Variants in AGAP1 observed in about 807,000 individuals in gnomAD.
The protein encoded by AGAP1 is arf-GAP with GTPase, ANK repeat and PH domain-containing protein 1.
In AGAP1, 29 loss-of-function variants were observed where a neutral mutation model predicts 105.3. That is an observed-to-expected ratio of 0.28 (90% CI 0.21 to 0.38). The LOEUF is 0.38. Among genes scored for constraint, AGAP1 ranks in the 10% least tolerant of loss-of-function variants. The pLI is 1.00. For synonymous variants in AGAP1, 509 were observed against 485.9 expected (o/e 1.05, Z -0.63); for missense variants, 998 against 1,165.1 (o/e 0.86, Z 2.09).
At position 236,042,115 on chromosome 2, in the gene AGAP1, A is replaced by G. The variant is rs971607567; in HGVS notation, c.1891+1274A>G. ...ATTGGAGTTTTAGAGCAGGAAGGAGATGGACCCTGAGCTCCACTTGGGGAG... is the reference window on the plus strand; with the variant it reads ...ATTGGAGTTTTAGAGCAGGAAGGAGGTGGACCCTGAGCTCCACTTGGGGAG... On this transcript the variant is annotated intron_variant, in intron 15 of 17. Coordinates refer to ENST00000304032, the MANE Select transcript of AGAP1 (RefSeq NM_001037131.3). This position sits in a 1 kb window ranked among gnomAD's most constrained non-coding sequence, Gnocchi z 5.6. 1.3e-5 allele frequency among the ~76,000 whole-genome samples: 2 copies of G among 152,122 alleles called. No homozygotes were observed. Among genetic ancestry groups the G allele is most frequent in the African/African-American group, 4.8e-5 (2 of 41,422 alleles).
chr2:235,865,574 C>A lies in AGAP1; in HGVS notation c.1051-17771C>A, dbSNP rs1176539617. Among the ~76,000 whole-genome samples the A allele has an allele frequency of 6.6e-6, 1 of 152,112 alleles. No individual in the cohort carries two copies. Among genetic ancestry groups the A allele is most frequent in the South Asian group, 2.1e-4 (1 of 4,824 alleles). ...GCTGGTTAAAGATCCAGAATCGGCC[C>A]CTCGCCCCTTTGCCCCTCCCCCAAC... On this transcript the variant is annotated intron_variant, in intron 9 of 17. Coordinates refer to ENST00000304032, the MANE Select transcript of AGAP1 (RefSeq NM_001037131.3). This position sits in a 1 kb window ranked among gnomAD's most constrained non-coding sequence, Gnocchi z 6.2.
chr2:235,799,594 A>AAC lies in AGAP1; in HGVS notation c.957+72_957+73insAC. On this transcript the variant is annotated intron_variant, in intron 8 of 17. Coordinates refer to ENST00000304032, the MANE Select transcript of AGAP1 (RefSeq NM_001037131.3). This position sits in a 1 kb window ranked among gnomAD's most constrained non-coding sequence, Gnocchi z 5.0. ...TCCCATTAACGTAAACCTGGTTGCC[A>AAC]CATGGTTCAGTGGTATTTGTAGAAT... is the stretch of plus-strand genomic sequence containing the variant. The AAC allele has an allele frequency of 6.5e-7, 1 of 1,538,028 alleles. No homozygotes were observed. The highest frequency in any genetic ancestry group is 8.9e-7 in the Non-Finnish European group (1 of 1,121,626).
intron 1 of AGAP1, among the ~76,000 whole-genome samples, chr2:235,547,042 G>T (rs1943645628): frequency 1.3e-5 from 2 of 152,140 alleles, no homozygotes; most frequent in South Asian, 2.1e-4. Context: ...CAGAGATCTG[G>T]GAGCCTTTGA....
chr2:235,717,637 T>G lies in AGAP1; in HGVS notation c.303T>G (p.Ser101=). ...YLTGTYVQEE[S]PEGGRFKKEI... The stretch of plus-strand genomic sequence containing the variant: ...CGGGCACATATGTCCAGGAGGAGTC[T>G]CCGGAAGGTATGCTGTTTGGCAGGC... Residue 101 remains serine (S), a synonymous_variant, in exon 3 of 18, where the codon TCT becomes TCG. Coordinates refer to ENST00000304032, the MANE Select transcript of AGAP1 (RefSeq NM_001037131.3). 6.2e-7 allele frequency: 1 copy of G among 1,600,476 alleles called. No homozygotes were observed. Among genetic ancestry groups the G allele is most frequent in the Non-Finnish European group, 8.5e-7 (1 of 1,177,000 alleles).
At chr2:235,782,807 C>A (rs1956350731) in intron 6 of AGAP1, among the ~76,000 whole-genome samples, 2 of 152,184 alleles carry the variant, frequency 1.3e-5, no homozygotes, top group African/African-American at 4.8e-5. Flanking sequence ...ATTGAGGAAA[C>A]CGTATTGCAT....
chr2:235,887,702 A>G lies in AGAP1; in HGVS notation c.1155+4253A>G, dbSNP rs962224964. ...CCCGGCCAAACCATCAGATATTTTT[A>G]GTTTTCTACAAAGATGTAAACGGGT... On this transcript the variant is annotated intron_variant, in intron 10 of 17. Coordinates refer to ENST00000304032, the MANE Select transcript of AGAP1 (RefSeq NM_001037131.3). The surrounding 1 kb of genome is among the most constrained non-coding windows in gnomAD (Gnocchi z 4.1). 6.6e-6 allele frequency among the ~76,000 whole-genome samples: 1 copy of G among 152,200 alleles called. No individual in the cohort carries two copies. The highest frequency in any genetic ancestry group is 1.5e-5 in the Non-Finnish European group (1 of 68,028).
rs1206525133 is a variant in AGAP1 at position 235,867,726 on chromosome 2, G to A, written c.1051-15619G>A. ...AGCAAGATGACTAAGTGTTCGTTAC[G>A]GAAAAGTGGGATGTCAGGGGAGCCT... On this transcript the variant is annotated intron_variant, in intron 9 of 17. Transcript: ENST00000304032. The surrounding 1 kb of genome is among the most constrained non-coding windows in gnomAD (Gnocchi z 5.4). Among the ~76,000 whole-genome samples, 3 of 152,100 alleles carry A rather than the reference G, an allele frequency of 2.0e-5. No homozygotes were observed. Among genetic ancestry groups the A allele is most frequent in the Non-Finnish European group, 4.4e-5 (3 of 68,024 alleles).
intron 13 of AGAP1, among the ~76,000 whole-genome samples, chr2:236,017,145 T>C (rs996671145): frequency 2.0e-5 from 3 of 151,414 alleles, no homozygotes; most frequent in African/African-American, 7.3e-5. Context: ...AAAAAAAAAT[T>C]ACCCGAGCAT....
At chr2:235,579,361 C>A (rs1021589982) in intron 1 of AGAP1, among the ~76,000 whole-genome samples, 2 of 152,154 alleles carry the variant, frequency 1.3e-5, no homozygotes, top group African/African-American at 4.8e-5. Flanking sequence ...CAAAACAAAC[C>A]TTATTTGGGC....
rs1210153496 is a variant in AGAP1 at position 236,078,059 on chromosome 2, G to GTGTGTGTGTC, written c.2114+28787_2114+28788insCTGTGTGTGT. On this transcript the variant is annotated intron_variant, in intron 16 of 17. Transcript: ENST00000304032. The surrounding 1 kb of genome is among the most constrained non-coding windows in gnomAD (Gnocchi z 5.3). ...AATTTGTGTGTGTGTGTGTGTGTGT[G>GTGTGTGTGTC]TGTGTGTGTGTGTGTAATCTGAAGT... Among the ~76,000 whole-genome samples, 1 of 149,808 alleles carries GTGTGTGTGTC rather than the reference G, an allele frequency of 6.7e-6. No individual in the cohort carries two copies. The highest frequency in any genetic ancestry group is 2.5e-5 in the African/African-American group (1 of 39,478).
intron 4 of AGAP1, among the ~76,000 whole-genome samples, chr2:235,742,333 G>A (rs955955161): frequency 6.6e-6 from 1 of 152,132 alleles, no homozygotes; most frequent in Non-Finnish European, 1.5e-5. Context: ...CCATTAAGAT[G>A]TACCAGTATT....
In AGAP1 at chr2:236,090,796, G is replaced by A. The variant is rs1559265448; in HGVS notation, c.2115-29396G>A. On this transcript the variant is annotated intron_variant, in intron 16 of 17. Transcript: ENST00000304032. This position sits in a 1 kb window ranked among gnomAD's most constrained non-coding sequence, Gnocchi z 4.3. ...TTCTTGTTGCCCAGCCTGGAGTGCA[G>A]TGGCACGATCTTGGCTCACTGCAAC... Among the ~76,000 whole-genome samples, 1 of 152,204 alleles carries A rather than the reference G, an allele frequency of 6.6e-6. No individual in the cohort carries two copies. The highest frequency in any genetic ancestry group is 1.5e-5 in the Non-Finnish European group (1 of 68,042).
intron 13 of AGAP1, among the ~76,000 whole-genome samples, chr2:235,987,679 G>A (rs1302182321): frequency 2.6e-5 from 4 of 151,924 alleles, no homozygotes; most frequent in South Asian, 2.1e-4. Flanking sequence ...CTGTTTTAGC[G>A]GTATCCCAGA....
chr2:236,036,698 G>A lies in AGAP1; in HGVS notation c.1783G>A (p.Glu595Lys), dbSNP rs1012518397. 17 of 1,614,086 alleles carry A rather than the reference G, an allele frequency of 1.1e-5. No homozygotes were observed. Among genetic ancestry groups the A allele is most frequent in the East Asian group, 2.2e-5 (1 of 44,892 alleles). ...SQILASLQSCESSKNKSRLTS... is the reference protein window; with the variant it reads ...SQILASLQSCKSSKNKSRLTS... ...GATCCTGGCCAGCCTGCAGTCGTGCGAGAGCAGCAAGAACAAGGTGAGGCC... is the reference window on the plus strand; with the variant it reads ...GATCCTGGCCAGCCTGCAGTCGTGCAAGAGCAGCAAGAACAAGGTGAGGCC... Residue 595 changes from glutamate (E) to lysine (K), a missense_variant, in exon 14 of 18, where the codon GAG becomes AAG. By Grantham distance (56) the Glu-to-Lys change is moderately conservative. Around this residue, in one of 3 missense-constraint regions of AGAP1, gnomAD observed 735 missense variants for 833.4 expected, o/e 0.88. Coordinates refer to ENST00000304032, the MANE Select transcript of AGAP1 (RefSeq NM_001037131.3). This position sits in a 1 kb window ranked among gnomAD's most constrained non-coding sequence, Gnocchi z 5.7.
At chr2:235,852,687 G>A in intron 9 of AGAP1, 2 of 1,486,758 alleles carry the variant, frequency 1.3e-6, no homozygotes, top group Non-Finnish European at 1.8e-6. Context: ...TCTCCCCAGG[G>A]CCTGCCCTTC....
intron 11 of AGAP1, among the ~76,000 whole-genome samples, chr2:235,922,985 A>G (rs946654367): frequency 6.6e-6 from 1 of 152,214 alleles, no homozygotes; most frequent in Non-Finnish European, 1.5e-5. Context: ...CAGCTCAGTA[A>G]GCACACACAC....
At chr2:236,103,531 T>C (rs2125913883) in intron 16 of AGAP1, among the ~76,000 whole-genome samples, 1 of 152,132 alleles carries the variant, frequency 6.6e-6, no homozygotes, top group African/African-American at 2.4e-5. Context: ...TTTTCTTTCT[T>C]TTCTCTTTTT....
Position 235,504,658 on chromosome 2 carries a change from G to A in AGAP1, c.163+9809G>A, listed in dbSNP as rs183326104. 3.8e-3 allele frequency among the ~76,000 whole-genome samples: 585 copies of A among 152,254 alleles called. 7 individuals are homozygous for A. The highest frequency in any genetic ancestry group is 0.013 in the African/African-American group (554 of 41,534). ...GCTGGGCTGTGTCTTTCTCTCTGTG[G>A]GTTGGACGTAGCTGCTCGTGAAGCC... On this transcript the variant is annotated intron_variant, in intron 1 of 17. Transcript: ENST00000304032.
rs903530648 is a variant in AGAP1 at position 235,912,877 on chromosome 2, C to T, written c.1324+3971C>T. ...TTTTGTTTATTTGGATTTCTTTAATCGGTAATGAAGTTGAACAGCTCACAT... is the reference window on the plus strand; with the variant it reads ...TTTTGTTTATTTGGATTTCTTTAATTGGTAATGAAGTTGAACAGCTCACAT... On this transcript the variant is annotated intron_variant, in intron 11 of 17. Transcript: ENST00000304032. 1.4e-4 allele frequency among the ~76,000 whole-genome samples: 22 copies of T among 152,268 alleles called. No homozygotes were observed. The Middle Eastern group carries it at 0.01, about 71-fold the overall frequency.
Sources: allele counts gnomAD v4.1 joint callset (sites outside exome capture counted in the v4.1 genomes callset), GRCh38; gene constraint gnomAD v4.1.1; regional missense constraint gnomAD v4.1.1; non-coding constraint Gnocchi (gnomAD v3.1); transcripts MANE v1.5; gene names NCBI Gene and HGNC (gene_info 2026-07-23, HGNC 2026-07-21).